PLXNB2: variants seen among roughly 807,000 people sequenced by gnomAD.
PLXNB2 encodes plexin B2, also known as plexin-B2.
Under a neutral mutation model 202.6 loss-of-function variants are expected in PLXNB2, and 85 were observed. The observed-to-expected ratio is 0.42, with a 90% CI of 0.35 to 0.50. PLXNB2 has a LOEUF of 0.50. Ranked by LOEUF, PLXNB2 falls within the 20% of genes least tolerant of loss-of-function variation. The probability of loss-of-function intolerance (pLI) is 0.02; values close to 1 mark genes in which losing one functional copy is unlikely to be tolerated. For synonymous variants in PLXNB2, 1,239 were observed against 1,137.6 expected, an observed-to-expected ratio of 1.09 and a Z score of -1.79; for missense variants, 2,063 against 2,586.2, an observed-to-expected ratio of 0.80 and a Z score of 4.39.
intron 34 of PLXNB2, 44 bp from the exon 35 acceptor site, chr22:50,276,748 C>CA (rs1212440321): frequency 6.3e-7 from 1 of 1,586,632 alleles, no homozygotes; most frequent in Admixed American, 1.7e-5. Flanking sequence ...GCAGGGACCA[C>CA]AAAGGGGGTG....
At position 50,288,623 on chromosome 22, in the gene PLXNB2, A is replaced by G. The variant is rs984126569; in HGVS notation, c.1380+120T>C. On this transcript the variant is annotated intron_variant, in intron 5 of 36. Coordinates refer to ENST00000359337, the MANE Select transcript of PLXNB2 (RefSeq NM_012401.4). This position sits in a 1 kb window ranked among gnomAD's most constrained non-coding sequence, Gnocchi z 5.0. ...GCCACCCCTCATCCAGACCAAGGAG[A>G]AGGGCCCAGCTCTGCAGCACCCCAT... The G allele has an allele frequency of 7.2e-7, 1 of 1,383,022 alleles. No individual in the cohort carries two copies. Among genetic ancestry groups the G allele is most frequent in the African/African-American group, 1.4e-5 (1 of 69,558 alleles). 85.7% of individuals were successfully genotyped at this position (1,383,022 alleles called of 1,614,324 possible). A position where few individuals can be genotyped will look rare whatever the true frequency, so the allele number is the denominator to read the frequency against.
intron 26 of PLXNB2, 32 bp from the exon 27 acceptor site, chr22:50,279,808 C>G: frequency 6.2e-7 from 1 of 1,612,656 alleles, no homozygotes; most frequent in Non-Finnish European, 8.5e-7. Flanking sequence ...GCTGGGAGGT[C>G]AGGGGACTTG....
chr22:50,278,054 C>T, intron 31 of PLXNB2, 41 bp from the exon 32 acceptor site: 2 of 1,604,828 alleles, frequency 1.2e-6, no homozygotes, highest in Non-Finnish European at 1.7e-6. Flanking sequence ...GTGGGCGCGG[C>T]TCCTGGGGGG....
chr22:50,295,926 A>AC (rs1489480008), intron 1 of PLXNB2, among the ~76,000 whole-genome samples: 2 of 151,882 alleles, frequency 1.3e-5, no homozygotes, highest in South Asian at 4.2e-4. Context: ...ACATGGTGAA[A>AC]CCCCATCTCT....
intron 31 of PLXNB2, 27 bp from the exon 32 acceptor site, chr22:50,278,040 C>G (rs749699642): frequency 1.2e-6 from 2 of 1,606,300 alleles, no homozygotes; most frequent in Non-Finnish European, 1.7e-6. Context: ...CTCAGCGTGA[C>G]GCCGTGGGCG....
At chr22:50,280,201 G>A (rs541610811) in intron 25 of PLXNB2, 130 bp from the exon 26 acceptor site, 42 of 714,348 alleles carry the variant, frequency 5.9e-5, no homozygotes, top group Non-Finnish European at 8.4e-5. Context: ...CCTGCAGCGA[G>A]GACTACCTGG....
chr22:50,279,228 G>A (rs1360774057), intron 27 of PLXNB2, among the ~76,000 whole-genome samples: 5 of 152,078 alleles, frequency 3.3e-5, no homozygotes, highest in East Asian at 3.9e-4. Context: ...AGACGGGGAC[G>A]GCTCAGAACC....
At position 50,291,875 on chromosome 22, in the gene PLXNB2, C is replaced by G. The variant is rs77759477; in HGVS notation, c.-13-1278G>C. 0.043 allele frequency among the ~76,000 whole-genome samples: 6,503 copies of G among 152,246 alleles called. 231 individuals are homozygous for G. Among genetic ancestry groups the G allele is most frequent in the African/African-American group, 0.096 (3,988 of 41,520 alleles). ...ATGGCAGGTGCCAAGGGGGTCCAGA[C>G]TCGATGGCAGAGGGTTACGAGGGAT... On this transcript the variant is annotated intron_variant, in intron 2 of 36. Transcript: ENST00000359337. This position sits in a 1 kb window ranked among gnomAD's most constrained non-coding sequence, Gnocchi z 4.3.
In PLXNB2 at chr22:50,287,160, G is replaced by T. The variant is rs776036779; in HGVS notation, c.1713C>A (p.Ala571=). The T allele has an allele frequency of 6.5e-7, 1 of 1,545,684 alleles. No homozygotes were observed. The highest frequency in any genetic ancestry group is 2.0e-5 in the Admixed American group (1 of 50,348). ...PPHPARVEGE[A]VICNSPSSIP... is the part of the protein sequence containing the mutation. ...TGCTGCTTGGGGAGTTGCAGATGAC[G>T]GCCTCGCCCTCCACGCGGGCGGGGT... Residue 571 remains alanine, a synonymous_variant, in exon 8 of 37, where the codon GCC becomes GCA. Coordinates refer to ENST00000359337, the MANE Select transcript of PLXNB2 (RefSeq NM_012401.4).
intron 8 of PLXNB2, among the ~76,000 whole-genome samples, chr22:50,286,536 C>T (rs537332894): frequency 1.1e-4 from 16 of 152,320 alleles, no homozygotes; most frequent in African/African-American, 3.4e-4. Flanking sequence ...GTTCGGGTGT[C>T]GGGCGCAGCA....
At chr22:50,279,977 G>T in intron 26 of PLXNB2, 28 bp downstream of exon 26, 1 of 1,557,906 alleles carries the variant, frequency 6.4e-7, no homozygotes, top group Non-Finnish European at 8.8e-7. Flanking sequence ...CATCCCTCAA[G>T]CCCCAGCCAG....
In PLXNB2 at chr22:50,275,938, A is replaced by T. The variant is rs1370869646; in HGVS notation, c.5363T>A (p.Leu1788His). The T allele has an allele frequency of 2.5e-6, 4 of 1,612,576 alleles. No individual in the cohort carries two copies. Among genetic ancestry groups the T allele is most frequent in the Non-Finnish European group, 3.4e-6 (4 of 1,179,840 alleles). Reference protein sequence around the residue: ...SRAHTDSLNTLVALHQLYQYT... With the variant: ...SRAHTDSLNTHVALHQLYQYT... ...TTGGTAGAGCTGGTGGAGTGCCACGAGGGTGTTCAAGGAGTCCGTGTGCGC... is the reference window on the plus strand; with the variant it reads ...TTGGTAGAGCTGGTGGAGTGCCACGTGGGTGTTCAAGGAGTCCGTGTGCGC... The change falls in exon 36 of 37, where the codon CTC becomes CAC. Residue 1788 changes from leucine to histidine, a missense_variant. Coordinates refer to ENST00000359337, the MANE Select transcript of PLXNB2 (RefSeq NM_012401.4).
At chr22:50,294,652 G>T in intron 2 of PLXNB2, 67 bp downstream of exon 2, 1 of 685,756 alleles carries the variant, frequency 1.5e-6, no homozygotes, top group Non-Finnish European at 1.8e-6. Context: ...GGCAGTTCTA[G>T]ATACCTCCGG....
rs775923722 is a variant in PLXNB2 at position 50,289,685 on chromosome 22, G to A, written c.900C>T (p.Asp300=). 5 of 1,610,514 alleles carry A rather than the reference G, an allele frequency of 3.1e-6. No homozygotes were observed. Among genetic ancestry groups the A allele is most frequent in the Admixed American group, 1.7e-5 (1 of 60,014 alleles). The change falls in exon 3 of 37, where the codon GAC becomes GAT. Residue 300 remains aspartate (D), a synonymous_variant. Transcript: ENST00000359337. The surrounding 1 kb of genome is among the most constrained non-coding windows in gnomAD (Gnocchi z 8.0). ...CACCGGGCCCCCCACTGCTCCGGCT[G>A]TCTCTGCTGAAGACAGCATATAGCA... ...GRVLYAVFSR[D]SRSSGGPGAG... is the part of the protein sequence containing the mutation.
At chr22:50,277,810 G>A (rs778547695) in intron 32 of PLXNB2, 43 bp downstream of exon 32, 6 of 1,603,182 alleles carry the variant, frequency 3.7e-6, no homozygotes, top group Non-Finnish European at 4.3e-6. Context: ...CCAAGTGAGA[G>A]GCGGAGCCGG....
chr22:50,275,804 A>G lies in PLXNB2; in HGVS notation c.5417T>C (p.Ile1806Thr), dbSNP rs2065505648. Residue 1806 changes from isoleucine (I) to threonine (T), a missense_variant, in exon 37 of 37, where the codon ATC (isoleucine) becomes ACC (threonine). Physicochemically the swap from Ile to Thr is moderately conservative, Grantham distance 89 (BLOSUM62 -1). This residue lies in a region of PLXNB2 where 760 missense variants were observed against 1,109.4 expected (regional missense o/e 0.69). Transcript: ENST00000359337. ...QYTQKYYDEI[I>T]NALEEDPAAQ... ...GGCAGGATCCTCCTCCAAGGCATTG[A>G]TGATCTGAGGGAGGGTCGCATCAGA... The G allele has an allele frequency of 1.9e-6, 3 of 1,611,740 alleles. No individual in the cohort carries two copies. The highest frequency in any genetic ancestry group is 4.5e-5 in the East Asian group (2 of 44,876).
chr22:50,303,283 C>G (rs1041890200), intron 1 of PLXNB2, among the ~76,000 whole-genome samples: 1 of 152,202 alleles, frequency 6.6e-6, no homozygotes, highest in Non-Finnish European at 1.5e-5. Context: ...TGAGGCATAG[C>G]CCCCTGGAAA....
Position 50,280,902 on chromosome 22 carries a change from T to C in PLXNB2, c.3835A>G (p.Thr1279Ala). Residue 1279 changes from threonine (T) to alanine (A), a missense_variant, in exon 24 of 37, where the codon ACC (threonine) becomes GCC (alanine). By Grantham distance (58) the Thr-to-Ala change is moderately conservative. Coordinates refer to ENST00000359337, the MANE Select transcript of PLXNB2 (RefSeq NM_012401.4). ...AGGAAGAAGACGCGGTCGGTGTAGG[T>C]CTTGTAGTCCAGCACGGGGATGCCG... ...EAGIPVLDYK[T>A]YTDRVFFLPS... 6.2e-7 allele frequency: 1 copy of C among 1,613,438 alleles called. No homozygotes were observed. Among genetic ancestry groups the C allele is most frequent in the South Asian group, 1.1e-5 (1 of 91,082 alleles).
rs1326729011 is a variant in PLXNB2 at position 50,307,545 on chromosome 22, C to G, written c.-74+8G>C. The G allele has an allele frequency of 4.1e-6, 4 of 981,944 alleles. No homozygotes were observed. The highest frequency in any genetic ancestry group is 3.6e-6 in the Non-Finnish European group (3 of 828,458). The allele number at this position is 981,944 out of a possible 1,614,324, so 60.8% of individuals were successfully genotyped here. A position where few individuals can be genotyped will look rare whatever the true frequency, so the allele number is the denominator to read the frequency against. ...GTCCCCCGCAGCCCAGTCCCCCGAGCTCGGTACCTGCACGTCCGCCGCCAA... is the reference window on the plus strand; with the variant it reads ...GTCCCCCGCAGCCCAGTCCCCCGAGGTCGGTACCTGCACGTCCGCCGCCAA... On this transcript the variant is annotated splice_region_variant and intron_variant, in intron 1 of 36. Coordinates refer to ENST00000359337, the MANE Select transcript of PLXNB2 (RefSeq NM_012401.4).
Sources: allele counts gnomAD v4.1 joint callset (sites outside exome capture counted in the v4.1 genomes callset), GRCh38; gene constraint gnomAD v4.1.1; regional missense constraint gnomAD v4.1.1; non-coding constraint Gnocchi (gnomAD v3.1); transcripts MANE v1.5; gene names NCBI Gene and HGNC (gene_info 2026-07-23, HGNC 2026-07-21).